The following VPS13B variants were observed in gnomAD, a reference collection of about 807,000 sequenced individuals.
VPS13B encodes the protein intermembrane lipid transfer protein VPS13B.
A neutral mutation model predicts 426.4 loss-of-function variants in VPS13B; 285 were observed. That is an observed-to-expected ratio of 0.67 (90% CI 0.61 to 0.74). VPS13B has a LOEUF of 0.74. VPS13B is among the 30% of genes least tolerant of loss of function. The pLI is 0.00. For missense variants in VPS13B, 4,537 were observed against 4,782.6 expected (o/e 0.95, Z 1.51); for synonymous variants, 1,676 against 1,676.4 (o/e 1.00, Z 0.01).
intron 54 of VPS13B, among the ~76,000 whole-genome samples, chr8:99,845,894 G>C (rs1815958987): frequency 6.6e-6 from 1 of 152,172 alleles, no homozygotes; most frequent in African/African-American, 2.4e-5. Context: ...CAGTGGACCA[G>C]ATTTGGCCCA....
chr8:99,108,439 G>A (rs960173882), intron 5 of VPS13B, among the ~76,000 whole-genome samples: 1 of 152,002 alleles, frequency 6.6e-6, no homozygotes, highest in Non-Finnish European at 1.5e-5. Context: ...AATCTATCTC[G>A]AGTTGATTTT....
intron 2 of VPS13B, among the ~76,000 whole-genome samples, chr8:99,019,204 A>ATT (rs34569117): frequency 2.0e-4 from 26 of 128,820 alleles, no homozygotes; most frequent in South Asian, 7.4e-4. Context: ...CATCTTAAAC[A>ATT]TTTTTTTTTT....
chr8:99,632,221 T>C (rs1266770918), intron 33 of VPS13B, among the ~76,000 whole-genome samples: 4 of 151,980 alleles, frequency 2.6e-5, no homozygotes, highest in African/African-American at 9.7e-5. Context: ...AATTTACTTT[T>C]TAATTCATAG....
chr8:99,095,405 C>G (rs1480780242), intron 3 of VPS13B, among the ~76,000 whole-genome samples: 1 of 152,156 alleles, frequency 6.6e-6, no homozygotes. Flanking sequence ...CCTCCCACCA[C>G]CCCTCATTTA....
intron 19 of VPS13B, among the ~76,000 whole-genome samples, chr8:99,364,677 C>G (rs1224632598): frequency 6.6e-6 from 1 of 152,180 alleles, no homozygotes; most frequent in Non-Finnish European, 1.5e-5. Flanking sequence ...AAGCAATCCC[C>G]CTGCCTCGGC....
intron 31 of VPS13B, among the ~76,000 whole-genome samples, chr8:99,560,287 T>A (rs1382699175): frequency 6.6e-6 from 1 of 152,140 alleles, no homozygotes; most frequent in Non-Finnish European, 1.5e-5. Context: ...AAGTTGCTTA[T>A]CAGCTTAAGG....
intron 3 of VPS13B, among the ~76,000 whole-genome samples, chr8:99,074,218 G>A (rs1844993937): frequency 6.6e-6 from 1 of 152,082 alleles, no homozygotes; most frequent in South Asian, 2.1e-4. Flanking sequence ...TTATTATGTT[G>A]AGGTGTGTTC....
At chr8:99,631,185 CTTG>C (rs138152237) in intron 33 of VPS13B, among the ~76,000 whole-genome samples, 6,334 of 152,138 alleles carry the variant, frequency 0.042, 144 homozygotes, top group East Asian at 0.06. Context: ...TTATGTCTGT[CTTG>C]TTGTTCCAGG....
At chr8:99,580,151 A>G (rs1324886055) in intron 33 of VPS13B, among the ~76,000 whole-genome samples, 1 of 151,830 alleles carries the variant, frequency 6.6e-6, no homozygotes, top group African/African-American at 2.4e-5. Flanking sequence ...GGAATTATGG[A>G]TTAATAATAA....
chr8:99,584,426 C>A (rs532729808), intron 33 of VPS13B, among the ~76,000 whole-genome samples: 1 of 152,180 alleles, frequency 6.6e-6, no homozygotes, highest in Admixed American at 6.5e-5. Context: ...CCAGTAAATG[C>A]GTTAAGTTTT....
At chr8:99,184,163 A>T (rs895531823) in intron 16 of VPS13B, among the ~76,000 whole-genome samples, 1 of 152,188 alleles carries the variant, frequency 6.6e-6, no homozygotes, top group African/African-American at 2.4e-5. Context: ...TTTTAAGGCT[A>T]TTATGAATAA....
At chr8:99,695,279 CAA>C (rs1441067880) in intron 35 of VPS13B, among the ~76,000 whole-genome samples, 3 of 148,044 alleles carry the variant, frequency 2.0e-5, no homozygotes, top group Admixed American at 7.0e-5. Flanking sequence ...TTCACAATAG[CAA>C]AGACTTGGAA....
chr8:99,121,189 A>T lies in VPS13B; in HGVS notation c.950A>T (p.Glu317Val). Residue 317 changes from glutamate to valine, a missense_variant, in exon 8 of 62, where the codon GAA becomes GTA. Physicochemically the swap from Glu to Val is moderately radical, Grantham distance 121 (BLOSUM62 -2). Around this residue, in one of 2 missense-constraint regions of VPS13B, gnomAD observed 4,311 missense variants for 4,474.3 expected, o/e 0.96. Coordinates refer to ENST00000357162, the MANE Select transcript of VPS13B (RefSeq NM_152564.5). ...MLGNITGSED[E>V]TRIDMQYPAQ... Reference sequence around the variant, plus strand: ...TTTTAATTGATAGGTTCTGAAGATGAAACAAGAATAGATATGCAATATCCT... The same window carrying T: ...TTTTAATTGATAGGTTCTGAAGATGTAACAAGAATAGATATGCAATATCCT... The T allele has an allele frequency of 6.2e-7, 1 of 1,613,530 alleles. No individual in the cohort carries two copies. The highest frequency in any genetic ancestry group is 8.5e-7 in the Non-Finnish European group (1 of 1,179,762).
rs1389930563 is a variant in VPS13B at position 99,293,724 on chromosome 8, C to T, written c.2824+18470C>T. ...AAAAACAAACAACCCCATCAAAAAG[C>T]GGGTGGACATGAACAGACACTTCTC... is the stretch of plus-strand genomic sequence containing the variant. On this transcript the variant is annotated intron_variant, in intron 19 of 61. Coordinates refer to ENST00000357162, the MANE Select transcript of VPS13B (RefSeq NM_152564.5). Among the ~76,000 whole-genome samples, 79 of 152,144 alleles carry T rather than the reference C, an allele frequency of 5.2e-4. 1 individual carries two copies. Among genetic ancestry groups the T allele is most frequent in the African/African-American group, 1.6e-3 (66 of 41,518 alleles).
rs2130916955 is a variant in VPS13B, at chr8:99,853,634, T to C, written c.10245T>C (p.Phe3415=). ...GGGAAGAGCCTGTGGCTGCGTTGTT[T>C]GAACTTTACTGTGTGGAGATCTGCT... The part of the protein sequence containing the change: ...LPGEEPVAAL[F]ELYCVEICCG... The change falls in exon 56 of 62, where the codon TTT becomes TTC. Residue 3415 remains phenylalanine (F), a synonymous_variant. Coordinates refer to ENST00000357162, the MANE Select transcript of VPS13B (RefSeq NM_152564.5). The C allele has an allele frequency of 6.2e-7, 1 of 1,614,176 alleles. No individual in the cohort carries two copies. The highest frequency in any genetic ancestry group is 2.2e-5 in the East Asian group (1 of 44,876).
At chr8:99,804,970 A>C (rs941266554) in intron 43 of VPS13B, among the ~76,000 whole-genome samples, 2 of 152,070 alleles carry the variant, frequency 1.3e-5, no homozygotes, top group Admixed American at 6.6e-5. Context: ...ACTGCACTCC[A>C]GTCTGGGCAA....
At chr8:99,204,238 G>A (rs1017294079) in intron 17 of VPS13B, among the ~76,000 whole-genome samples, 3 of 152,136 alleles carry the variant, frequency 2.0e-5, no homozygotes, top group South Asian at 2.1e-4. Context: ...TGACAAACCC[G>A]ACAAAAACTA....
intron 54 of VPS13B, 77 bp downstream of exon 54, chr8:99,835,815 A>G: frequency 1.0e-5 from 15 of 1,437,144 alleles, no homozygotes; most frequent in Non-Finnish European, 1.5e-5. Context: ...GCCTATTTTT[A>G]AACATAATTT....
At chr8:99,423,493 C>T (rs549769010) in intron 21 of VPS13B, among the ~76,000 whole-genome samples, 2 of 150,692 alleles carry the variant, frequency 1.3e-5, no homozygotes, top group South Asian at 4.2e-4. Flanking sequence ...GTTTCGAACT[C>T]CTGACCTACA....
Sources: gnomAD v4.1 joint callset for allele counts (sites outside exome capture counted in the v4.1 genomes callset) on GRCh38, gnomAD v4.1.1 for gene constraint, gnomAD v4.1.1 regional missense constraint, MANE v1.5 for transcripts, NCBI Gene and HGNC (gene_info 2026-07-23, HGNC 2026-07-21) for gene names.